ECPAS: variants seen among roughly 807,000 people sequenced by gnomAD.
The protein encoded by ECPAS is Ecm29 proteasome adaptor and scaffold.
A neutral mutation model predicts 255.1 loss-of-function variants in ECPAS; 70 were observed. The observed-to-expected ratio is 0.27, with a 90% CI of 0.23 to 0.33. The LOEUF (loss-of-function observed/expected upper bound fraction) is 0.33, where lower values mean the gene tolerates loss of function less well. Ranked by LOEUF, ECPAS falls within the 10% of genes least tolerant of loss-of-function variation. The probability of loss-of-function intolerance (pLI) is 1.00; values close to 1 mark genes in which losing one functional copy is unlikely to be tolerated. For synonymous variants in ECPAS, 784 were observed against 775.0 expected (o/e 1.01, Z -0.19); for missense variants, 1,817 against 2,206.4 (o/e 0.82, Z 3.54).
intron 25 of ECPAS, among the ~76,000 whole-genome samples, chr9:111,396,790 G>A (rs2131635837): frequency 6.6e-6 from 1 of 152,254 alleles, no homozygotes; most frequent in Admixed American, 6.5e-5. Context: ...GACCTCAGGT[G>A]ATTCGCTCAC....
At chr9:111,479,718 C>T (rs1211590494) in intron 1 of ECPAS, among the ~76,000 whole-genome samples, 2 of 152,076 alleles carry the variant, frequency 1.3e-5, no homozygotes, top group Admixed American at 6.6e-5. Context: ...TGGTGGCTCA[C>T]GCCTGTAATC....
chr9:111,370,733 C>T lies in ECPAS; in HGVS notation c.4770G>A (p.Val1590=), dbSNP rs751085466. The change falls in exon 44 of 50, where the codon GTG becomes GTA. Residue 1590 remains valine, a synonymous_variant. Coordinates refer to ENST00000684092, the MANE Select transcript of ECPAS (RefSeq NM_001364929.1). The part of the protein sequence containing the change: ...EELLKAIACV[V]TACSAELEKS... ...GAAAGAACATTTACCTGCAAGCTGT[C>T]ACCACACAGGCAATGGCTTTCAATA... is the stretch of plus-strand genomic sequence containing the variant. 6.2e-7 allele frequency: 1 copy of T among 1,607,826 alleles called. No homozygotes were observed. The highest frequency in any genetic ancestry group is 8.5e-7 in the Non-Finnish European group (1 of 1,177,052).
rs1227970815 is a variant in ECPAS at position 111,404,939 on chromosome 9, C to T, written c.2652+3632G>A. Among the ~76,000 whole-genome samples, 3 of 148,950 alleles carry T rather than the reference C, an allele frequency of 2.0e-5. No individual in the cohort carries two copies. In the East Asian group the frequency reaches 6.1e-4, roughly 30 times the overall value. On this transcript the variant is annotated intron_variant, in intron 24 of 49. Transcript: ENST00000684092. ...GAACACACAAAAGAGAAGACATAGC[C>T]CATGTTCATGGATTGAAATCGTATT...
chr9:111,422,264 A>C, intron 13 of ECPAS, 64 bp from the exon 14 acceptor site: 1 of 1,523,466 alleles, frequency 6.6e-7, no homozygotes, highest in Non-Finnish European at 9.1e-7. Context: ...AAGGGAAAAA[A>C]TGAAACTAAA....
In ECPAS at chr9:111,432,495, T is replaced by TAGG. The variant is rs1589191193; in HGVS notation, c.848+737_848+738insCCT. Among the ~76,000 whole-genome samples, 3 of 152,270 alleles carry TAGG rather than the reference T, an allele frequency of 2.0e-5. No homozygotes were observed. The East Asian group carries it at 5.8e-4, about 29-fold the overall frequency. ...CAGGCATGGTGGCCAGCACCTGTAGTCCCAGCTACTTGGGAGGCTGAGGCA... is the reference window on the plus strand; with the variant it reads ...CAGGCATGGTGGCCAGCACCTGTAGTAGGCCCAGCTACTTGGGAGGCTGAGGCA... On this transcript the variant is annotated intron_variant, in intron 8 of 49. Coordinates refer to ENST00000684092, the MANE Select transcript of ECPAS (RefSeq NM_001364929.1).
chr9:111,408,549 A>C, intron 24 of ECPAS, 22 bp downstream of exon 24: 1 of 1,388,896 alleles, frequency 7.2e-7, no homozygotes, highest in South Asian at 1.5e-5. Flanking sequence ...AATAACTAAC[A>C]ATCAGGTAGC....
At chr9:111,429,261 CT>C (rs957602291) in intron 9 of ECPAS, among the ~76,000 whole-genome samples, 236 of 145,378 alleles carry the variant, frequency 1.6e-3, no homozygotes, top group African/African-American at 4.4e-3. Context: ...GTTTTATTCT[CT>C]TTTTTTTTTT....
intron 6 of ECPAS, 49 bp from the exon 7 acceptor site, chr9:111,437,157 C>T (rs1339184892): frequency 6.9e-7 from 1 of 1,447,298 alleles, no homozygotes; most frequent in Non-Finnish European, 9.3e-7. Flanking sequence ...AAAGCATTTA[C>T]AACTATATAT....
chr9:111,398,180 A>G (rs926825491), intron 24 of ECPAS, among the ~76,000 whole-genome samples: 5 of 152,246 alleles, frequency 3.3e-5, no homozygotes, highest in African/African-American at 9.6e-5. Context: ...GTGATGAGGC[A>G]TCACGTACTA....
At chr9:111,415,869 G>C (rs1010830090) in intron 18 of ECPAS, among the ~76,000 whole-genome samples, 11 of 152,076 alleles carry the variant, frequency 7.2e-5, no homozygotes, top group Non-Finnish European at 1.6e-4. Context: ...AATTTACCTA[G>C]AGCAAGTCAA....
At chr9:111,390,892 G>A (rs1321304825) in intron 29 of ECPAS, among the ~76,000 whole-genome samples, 2 of 152,332 alleles carry the variant, frequency 1.3e-5, no homozygotes, top group East Asian at 3.9e-4. Context: ...AGCGGCAGTG[G>A]GTGCACCTAG....
chr9:111,421,776 T>A (rs1357896654), intron 15 of ECPAS, 145 bp downstream of exon 15: 1 of 982,022 alleles, frequency 1.0e-6, no homozygotes, highest in Non-Finnish European at 1.5e-6. Flanking sequence ...CAAATTTTCA[T>A]CATGAAGAAT....
Position 111,410,960 on chromosome 9 carries a change from G to A in ECPAS, c.2377+20C>T, listed in dbSNP as rs772162948. 21 of 1,592,572 alleles carry A rather than the reference G, an allele frequency of 1.3e-5. No individual in the cohort carries two copies. Among genetic ancestry groups the A allele is most frequent in the South Asian group, 5.7e-5 (5 of 88,348 alleles). The stretch of plus-strand genomic sequence containing the variant: ...ATTCAAAAACTGCAACACCCAAATC[G>A]ACATAAAGACATTAATTACCTATTG... On this transcript the variant is annotated intron_variant, in intron 22 of 49. Transcript: ENST00000684092.
At chr9:111,444,177 C>G (rs1040364640) in intron 4 of ECPAS, among the ~76,000 whole-genome samples, 34 of 152,040 alleles carry the variant, frequency 2.2e-4, no homozygotes, top group African/African-American at 7.5e-4. Context: ...ATTCATTACC[C>G]TGCTACTGTA....
chr9:111,390,680 A>C (rs2098158325), intron 29 of ECPAS, among the ~76,000 whole-genome samples: 1 of 152,242 alleles, frequency 6.6e-6, no homozygotes, highest in Non-Finnish European at 1.5e-5. Flanking sequence ...ACGATGGAAC[A>C]AACTGCAGCT....
chr9:111,392,683 C>T lies in ECPAS; in HGVS notation c.3092+85G>A, dbSNP rs1039578814. 6.6e-6 allele frequency: 6 copies of T among 910,518 alleles called. No individual in the cohort carries two copies. In the African/African-American group the frequency reaches 6.7e-5, roughly 10 times the overall value. The allele number at this position is 910,518 out of a possible 1,614,324, so 56.4% of individuals were successfully genotyped here. A position where few individuals can be genotyped will look rare whatever the true frequency, so the allele number is the denominator to read the frequency against. On this transcript the variant is annotated intron_variant, in intron 28 of 49. Coordinates refer to ENST00000684092, the MANE Select transcript of ECPAS (RefSeq NM_001364929.1). ...CTTCATAAACCAAAACATGGAAAGC[C>T]GAATCTTCCTTCTCCAGCATCTTCT...
At position 111,376,361 on chromosome 9, in the gene ECPAS, A is replaced by T. The variant is rs2098133366; in HGVS notation, c.4020+115T>A. On this transcript the variant is annotated intron_variant, in intron 37 of 49. Coordinates refer to ENST00000684092, the MANE Select transcript of ECPAS (RefSeq NM_001364929.1). ...ACTAAGAAAAAACTGGAGTCACAAC[A>T]GCTGCTTGACTCATCCCATAAGTCT... 9.1e-6 allele frequency: 7 copies of T among 770,644 alleles called. No homozygotes were observed. In the East Asian group the frequency reaches 1.9e-4, roughly 21 times the overall value. 47.7% of individuals were successfully genotyped at this position (770,644 alleles called of 1,614,324 possible). A position where few individuals can be genotyped will look rare whatever the true frequency, so the allele number is the denominator to read the frequency against.
In ECPAS at chr9:111,370,760, C is replaced by T. The variant is rs374790523; in HGVS notation, c.4743G>A (p.Glu1581=). ...LAGRTWAGKE[E]LLKAIACVVT... ...CCACACAGGCAATGGCTTTCAATAG[C>T]TCCTCCTAAGGGGTTGAAAGATGAG... Residue 1581 remains glutamate (E), a synonymous_variant, in exon 44 of 50, where the codon GAG becomes GAA. Coordinates refer to ENST00000684092, the MANE Select transcript of ECPAS (RefSeq NM_001364929.1). 2,006 of 1,603,300 alleles carry T rather than the reference C, an allele frequency of 1.3e-3. 2 individuals are homozygous for T. The highest frequency in any genetic ancestry group is 1.6e-3 in the Non-Finnish European group (1,891 of 1,174,666).
In ECPAS at chr9:111,362,078, C is replaced by A. The variant is rs775838978; in HGVS notation, c.5472G>T (p.Leu1824=). 6.2e-7 allele frequency: 1 copy of A among 1,611,868 alleles called. No individual in the cohort carries two copies. Among genetic ancestry groups the A allele is most frequent in the East Asian group, 2.2e-5 (1 of 44,828 alleles). ...ATMEPDSRPE[L]QEKAALLKKT... ...TCTTCAGTAACGCTGCTTTCTCCTG[C>A]AGTTCAGGTCTGCTGTCTGGCTCCA... Residue 1824 remains leucine, a synonymous_variant, in exon 50 of 50, where the codon CTG becomes CTT. Coordinates refer to ENST00000684092, the MANE Select transcript of ECPAS (RefSeq NM_001364929.1).
Sources: allele counts gnomAD v4.1 joint callset (sites outside exome capture counted in the v4.1 genomes callset), GRCh38; gene constraint gnomAD v4.1.1; transcripts MANE v1.5; gene names NCBI Gene and HGNC (gene_info 2026-07-23, HGNC 2026-07-21).